The following SLC26A4 variants were observed in gnomAD, a reference collection of about 807,000 sequenced individuals.
SLC26A4 encodes the protein pendrin.
Under a neutral mutation model 90.4 loss-of-function variants are expected in SLC26A4, and 93 were observed. The ratio of observed to expected loss-of-function variants is 1.03; its 90% confidence interval spans 0.87 to 1.22. The LOEUF (loss-of-function observed/expected upper bound fraction) is 1.22. Among genes scored for constraint, SLC26A4 ranks in the 50% most tolerant of loss-of-function variants. The pLI is 0.00. For missense variants in SLC26A4, 1,127 were observed against 946.2 expected, an observed-to-expected ratio of 1.19 and a Z score of -2.51; for synonymous variants, 393 against 354.6, an observed-to-expected ratio of 1.11 and a Z score of -1.22.
intron 20 of SLC26A4, among the ~76,000 whole-genome samples, chr7:107,714,246 C>T (rs1285970002): frequency 6.6e-6 from 1 of 152,040 alleles, no homozygotes; most frequent in Admixed American, 6.6e-5. Flanking sequence ...TTGAATCTAA[C>T]ATCCAGGATA....
chr7:107,677,521 A>G (rs1170191159), intron 6 of SLC26A4, among the ~76,000 whole-genome samples: 1 of 152,148 alleles, frequency 6.6e-6, no homozygotes. Context: ...ATTAGGAAAC[A>G]TTAGCAAAAG....
intron 20 of SLC26A4, among the ~76,000 whole-genome samples, chr7:107,714,579 A>G (rs1177166155): frequency 6.6e-6 from 1 of 152,160 alleles, no homozygotes; most frequent in African/African-American, 2.4e-5. Context: ...ATATGTCAAC[A>G]TTAAAACTTA....
intron 13 of SLC26A4, among the ~76,000 whole-genome samples, chr7:107,697,266 C>A (rs1017767946): frequency 6.6e-6 from 1 of 152,170 alleles, no homozygotes; most frequent in South Asian, 2.1e-4. Flanking sequence ...AAAATCAGCA[C>A]AAACCTGTAA....
At chr7:107,701,713 C>T (rs1791891003) in intron 16 of SLC26A4, 114 bp from the exon 17 acceptor site, 1 of 761,758 alleles carries the variant, frequency 1.3e-6, no homozygotes, top group South Asian at 1.5e-5. Flanking sequence ...AATTCATCTC[C>T]TTGATGTCTT....
chr7:107,683,530 C>G lies in SLC26A4; in HGVS notation c.994C>G (p.Pro332Ala), dbSNP rs1375915437. 5 of 1,613,172 alleles carry G rather than the reference C, an allele frequency of 3.1e-6. No individual in the cohort carries two copies. In the African/African-American group the frequency reaches 6.7e-5, roughly 22 times the overall value. Residue 332 changes from proline to alanine, a missense_variant, in exon 8 of 21, where the codon CCA becomes GCA. Coordinates refer to ENST00000644269, the MANE Select transcript of SLC26A4 (RefSeq NM_000441.2). Reference sequence around the variant, plus strand: ...CAATGCTGGCATTGTTAAATCCATCCCAAGGGGGTGAGTGTGGTGTTCCTC... The same window carrying G: ...CAATGCTGGCATTGTTAAATCCATCGCAAGGGGGTGAGTGTGGTGTTCCTC... ...NYNAGIVKSIPRGFLPPELPP... is the reference protein window; with the variant it reads ...NYNAGIVKSIARGFLPPELPP...
rs1792344027 is a variant in SLC26A4, at chr7:107,716,292, T to A, written c.*846T>A. ...GGTATGATCTGTGTAAAATCTGACATAAAAACAGTGCTATTCTGAGTGAAA... is the reference window on the plus strand; with the variant it reads ...GGTATGATCTGTGTAAAATCTGACAAAAAAACAGTGCTATTCTGAGTGAAA... On this transcript the variant is annotated 3_prime_UTR_variant, in exon 21 of 21. Transcript: ENST00000644269. 6.6e-6 allele frequency: 1 copy of A among 152,190 alleles called. No individual in the cohort carries two copies. Among genetic ancestry groups the A allele is most frequent in the Non-Finnish European group, 1.5e-5 (1 of 68,018 alleles). The allele number at this position is 152,190 out of a possible 1,614,324, so 9.4% of individuals were successfully genotyped here.
intron 3 of SLC26A4, among the ~76,000 whole-genome samples, chr7:107,671,884 A>C (rs1284394871): frequency 6.6e-6 from 1 of 152,254 alleles, no homozygotes; most frequent in Non-Finnish European, 1.5e-5. Flanking sequence ...AATAACCTAC[A>C]GTTGGGCAAA....
At chr7:107,697,643 C>G (rs1791775993) in intron 13 of SLC26A4, among the ~76,000 whole-genome samples, 1 of 152,180 alleles carries the variant, frequency 6.6e-6, no homozygotes, top group Non-Finnish European at 1.5e-5. Flanking sequence ...CTCTGCTGCC[C>G]TTTACCTCCA....
chr7:107,663,777 G>A (rs973526472), intron 3 of SLC26A4, among the ~76,000 whole-genome samples: 8 of 151,808 alleles, frequency 5.3e-5, no homozygotes, highest in Non-Finnish European at 1.0e-4. Context: ...TCCGTCTCCC[G>A]GGTTCACGCC....
Position 107,712,520 on chromosome 7 carries a change from C to A in SLC26A4, c.2236-19C>A. ...GGGTTGATGCTATTCTATTTCTACC[C>A]TGTGTTCTCTTTTTCAAGATCACTC... On this transcript the variant is annotated intron_variant, in intron 19 of 20. Transcript: ENST00000644269. The A allele has an allele frequency of 7.7e-7, 1 of 1,299,088 alleles. No individual in the cohort carries two copies. The highest frequency in any genetic ancestry group is 1.1e-6 in the Non-Finnish European group (1 of 892,856). The allele number at this position is 1,299,088 out of a possible 1,614,324, so 80.5% of individuals were successfully genotyped here.
In SLC26A4 at chr7:107,663,361, A is replaced by G; in HGVS notation, c.230A>G (p.Lys77Arg). The G allele has an allele frequency of 3.1e-6, 5 of 1,614,132 alleles. No individual in the cohort carries two copies. The South Asian group carries it at 4.4e-5, about 14-fold the overall frequency. Residue 77 changes from lysine to arginine, a missense_variant, in exon 3 of 21, where the codon AAA (lysine) becomes AGA (arginine). Transcript: ENST00000644269. The part of the protein sequence containing the change: ...TLVPILEWLP[K>R]YRVKEWLLSD... ...GTGCCCATCTTGGAGTGGCTCCCCA[A>G]ATACCGAGTCAAGGAATGGCTGCTT...
Position 107,715,648 on chromosome 7 carries a change from G to A in SLC26A4, c.*202G>A, listed in dbSNP as rs1005739547. The stretch of plus-strand genomic sequence containing the variant: ...GCAAAATGGCTAGAATTATTCAGAC[G>A]ATTTGGCAGCGTCCAGGGTAAGCTG... On this transcript the variant is annotated 3_prime_UTR_variant, in exon 21 of 21. Coordinates refer to ENST00000644269, the MANE Select transcript of SLC26A4 (RefSeq NM_000441.2). 4.3e-5 allele frequency: 26 copies of A among 607,602 alleles called. No homozygotes were observed. Among genetic ancestry groups the A allele is most frequent in the Middle Eastern group, 3.5e-4 (1 of 2,822 alleles). The allele number at this position is 607,602 out of a possible 1,614,324, so 37.6% of individuals were successfully genotyped here.
chr7:107,678,810 G>T (rs1445134686), intron 6 of SLC26A4, among the ~76,000 whole-genome samples: 1 of 151,710 alleles, frequency 6.6e-6, no homozygotes, highest in Non-Finnish European at 1.5e-5. Context: ...TCTGAACAGA[G>T]AATTTTGCTT....
rs761590586 is a variant in SLC26A4 at position 107,694,386 on chromosome 7, A to T, written c.1264-17A>T. ...GAGAAGGACGAATCCTTTTCATAGG[A>T]GGTGTGTGTCTTCCAGGTTGCTGGC... On this transcript the variant is annotated splice_polypyrimidine_tract_variant and intron_variant, in intron 10 of 20. Coordinates refer to ENST00000644269, the MANE Select transcript of SLC26A4 (RefSeq NM_000441.2). 2.4e-5 allele frequency: 39 copies of T among 1,600,326 alleles called. No individual in the cohort carries two copies. Among genetic ancestry groups the T allele is most frequent in the Non-Finnish European group, 3.0e-5 (35 of 1,167,790 alleles).
chr7:107,671,292 A>G (rs1180970657), intron 3 of SLC26A4, among the ~76,000 whole-genome samples: 1 of 152,084 alleles, frequency 6.6e-6, no homozygotes, highest in African/African-American at 2.4e-5. Context: ...CCTCCTTAAT[A>G]ACTAGGACTA....
Position 107,666,263 on chromosome 7 carries a change from G to A in SLC26A4, c.304+2828G>A, listed in dbSNP as rs546600939. Among the ~76,000 whole-genome samples the A allele has an allele frequency of 9.9e-5, 15 of 152,140 alleles. No individual in the cohort carries two copies. The South Asian group carries it at 1.7e-3, about 17-fold the overall frequency. The stretch of plus-strand genomic sequence containing the variant: ...TTGAGACAGGGTCTTGCTCTGTTGC[G>A]CAGGCTGGAGTGCAGTGGTGAGATC... On this transcript the variant is annotated intron_variant, in intron 3 of 20. Transcript: ENST00000644269.
intron 8 of SLC26A4, among the ~76,000 whole-genome samples, chr7:107,684,613 T>A (rs966484180): frequency 6.6e-6 from 1 of 152,226 alleles, no homozygotes. Context: ...CTTACCCTTT[T>A]GTAAGAATCA....
At chr7:107,711,724 A>G (rs572284863) in intron 19 of SLC26A4, among the ~76,000 whole-genome samples, 29 of 152,334 alleles carry the variant, frequency 1.9e-4, no homozygotes, top group African/African-American at 6.0e-4. Flanking sequence ...TGTGACTGCA[A>G]TGACACAACC....
intron 6 of SLC26A4, among the ~76,000 whole-genome samples, chr7:107,676,511 GA>G (rs1791027768): frequency 6.6e-6 from 1 of 152,126 alleles, no homozygotes; most frequent in South Asian, 2.1e-4. Flanking sequence ...AATTAGATTT[GA>G]AAAAGGTTTT....
Sources: allele counts gnomAD v4.1 joint callset (sites outside exome capture counted in the v4.1 genomes callset), GRCh38; gene constraint gnomAD v4.1.1; transcripts MANE v1.5; gene names NCBI Gene and HGNC (gene_info 2026-07-23, HGNC 2026-07-21).